ASAP2: variants seen among roughly 807,000 people sequenced by gnomAD.
ASAP2 encodes the protein ArfGAP with SH3 domain, ankyrin repeat and PH domain 2.
A neutral mutation model predicts 131.4 loss-of-function variants in ASAP2; 45 were observed. That is an observed-to-expected ratio of 0.34 (90% CI 0.27 to 0.44). The LOEUF (loss-of-function observed/expected upper bound fraction) is 0.44, where lower values mean the gene tolerates loss of function less well. ASAP2 is among the 20% of genes least tolerant of loss of function. The pLI, the probability that ASAP2 is intolerant of heterozygous loss-of-function variation, is 1.00. For missense variants in ASAP2, 1,011 were observed against 1,297.0 expected, an observed-to-expected ratio of 0.78 and a Z score of 3.39; for synonymous variants, 510 against 503.0, an observed-to-expected ratio of 1.01 and a Z score of -0.19.
intron 2 of ASAP2, among the ~76,000 whole-genome samples, chr2:9,293,996 ATTTT>A (rs557969541): frequency 1.4e-5 from 2 of 139,548 alleles, no homozygotes; most frequent in Non-Finnish European, 3.1e-5. Flanking sequence ...AAGGACAAGA[ATTTT>A]TTTTTTTTTT....
At chr2:9,287,949 T>C (rs973746852) in intron 2 of ASAP2, among the ~76,000 whole-genome samples, 1 of 152,206 alleles carries the variant, frequency 6.6e-6, no homozygotes, top group Non-Finnish European at 1.5e-5. Flanking sequence ...TTCAGAGGTA[T>C]CTGCTATTTA....
At chr2:9,401,957 T>G (rs993132811) in intron 27 of ASAP2, among the ~76,000 whole-genome samples, 1 of 152,170 alleles carries the variant, frequency 6.6e-6, no homozygotes, top group African/African-American at 2.4e-5. Flanking sequence ...CTGGTGCAGG[T>G]GATCTTGTGA....
At chr2:9,221,779 C>A (rs2147983209) in intron 1 of ASAP2, among the ~76,000 whole-genome samples, 1 of 152,104 alleles carries the variant, frequency 6.6e-6, no homozygotes, top group South Asian at 2.1e-4. Context: ...CTTTAATAAG[C>A]TGAGCACCTT....
intron 20 of ASAP2, among the ~76,000 whole-genome samples, chr2:9,383,106 G>C (rs1674992193): frequency 6.6e-6 from 1 of 151,092 alleles, no homozygotes; most frequent in South Asian, 2.1e-4. Flanking sequence ...ATCTCGGGGG[G>C]GCCACGGGAC....
chr2:9,391,049 C>G lies in ASAP2; in HGVS notation c.2384-13C>G. 1.2e-6 allele frequency: 2 copies of G among 1,614,134 alleles called. No individual in the cohort carries two copies. Among genetic ancestry groups the G allele is most frequent in the African/African-American group, 2.7e-5 (2 of 75,038 alleles). On this transcript the variant is annotated splice_polypyrimidine_tract_variant and intron_variant, in intron 22 of 27. Transcript: ENST00000281419. ...GTGCGTGCATGCGTCTGTGTGCATG[C>G]GTGTGGGTTCAGTTCAGACAGCCTC...
At chr2:9,381,009 G>T (rs952984832) in intron 20 of ASAP2, among the ~76,000 whole-genome samples, 1 of 152,216 alleles carries the variant, frequency 6.6e-6, no homozygotes, top group African/African-American at 2.4e-5. Context: ...CCCACCCCTC[G>T]CAGTGAGACT....
intron 2 of ASAP2, among the ~76,000 whole-genome samples, chr2:9,286,445 A>T (rs55905985): frequency 0.079 from 7,832 of 98,576 alleles, 248 homozygotes; most frequent in Non-Finnish European, 0.11. Context: ...AGGAAAAAAA[A>T]AAATATATAT....
intron 22 of ASAP2, 58 bp downstream of exon 22, chr2:9,388,604 G>C: frequency 6.4e-7 from 1 of 1,559,910 alleles, no homozygotes; most frequent in Non-Finnish European, 8.6e-7. Flanking sequence ...TGTGGTTTGG[G>C]AAGTTTGCAG....
At chr2:9,378,296 C>G (rs1002032106) in intron 18 of ASAP2, among the ~76,000 whole-genome samples, 3 of 152,164 alleles carry the variant, frequency 2.0e-5, no homozygotes, top group Non-Finnish European at 4.4e-5. Flanking sequence ...TGTCCCATGT[C>G]TGCCAAGCCT....
intron 1 of ASAP2, among the ~76,000 whole-genome samples, chr2:9,231,467 A>G (rs896415622): frequency 6.6e-6 from 1 of 152,132 alleles, no homozygotes; most frequent in African/African-American, 2.4e-5. Flanking sequence ...GGTACCTGCT[A>G]CCCGTTCGCT....
At chr2:9,326,448 A>G (rs1023164320) in intron 6 of ASAP2, among the ~76,000 whole-genome samples, 2 of 149,074 alleles carry the variant, frequency 1.3e-5, no homozygotes, top group Non-Finnish European at 3.0e-5. Context: ...TAGGTAGTAC[A>G]GACCTTCTGT....
intron 1 of ASAP2, among the ~76,000 whole-genome samples, chr2:9,278,512 CAAA>C (rs543049325): frequency 3.2e-4 from 37 of 113,888 alleles, no homozygotes; most frequent in Admixed American, 3.7e-4. Context: ...GACCCCTTCT[CAAA>C]AAAAAAAAAA....
chr2:9,261,520 G>T (rs1170766530), intron 1 of ASAP2, among the ~76,000 whole-genome samples: 1 of 152,220 alleles, frequency 6.6e-6, no homozygotes, highest in South Asian at 2.1e-4. Context: ...GTTGGAGTTG[G>T]GCCCTAGGTG....
intron 1 of ASAP2, among the ~76,000 whole-genome samples, chr2:9,234,623 A>C (rs1663409893): frequency 6.6e-6 from 1 of 152,172 alleles, no homozygotes; most frequent in African/African-American, 2.4e-5. Context: ...CATTGTGTGG[A>C]TCCAGAAGCT....
At chr2:9,375,014 C>A in intron 17 of ASAP2, 70 bp downstream of exon 17, 2 of 1,430,450 alleles carry the variant, frequency 1.4e-6, no homozygotes, top group Non-Finnish European at 1.9e-6. Context: ...TGCCTGGGAT[C>A]CAGTACTTTA....
At position 9,404,789 on chromosome 2, in the gene ASAP2, GAACA is replaced by G. The variant is rs1677072354; in HGVS notation, c.*1466_*1469del. On this transcript the variant is annotated 3_prime_UTR_variant, in exon 28 of 28. Coordinates refer to ENST00000281419, the MANE Select transcript of ASAP2 (RefSeq NM_003887.3). ...TTTGTTTTTGTTATAAAGGAAGACA[GAACA>G]AACTGGAATGTTTTATGATGTTGTA... is the stretch of plus-strand genomic sequence containing the variant. The G allele has an allele frequency of 6.6e-6, 1 of 152,066 alleles. No individual in the cohort carries two copies. Among genetic ancestry groups the G allele is most frequent in the Non-Finnish European group, 1.5e-5 (1 of 67,940 alleles). 9.4% of individuals were successfully genotyped at this position (152,066 alleles called of 1,614,324 possible).
chr2:9,208,731 G>T lies in ASAP2; in HGVS notation c.126+1501G>T, dbSNP rs75101012. ...CTTCAAATGAGGCAGATGGGGATGG[G>T]TGAATGAAATTTTTTCCTAAGTGCC... is the stretch of plus-strand genomic sequence containing the variant. On this transcript the variant is annotated intron_variant, in intron 1 of 27. Transcript: ENST00000281419. Among the ~76,000 whole-genome samples the T allele has an allele frequency of 9.5e-3, 1,454 of 152,286 alleles. 20 individuals are homozygous for T. The highest frequency in any genetic ancestry group is 0.033 in the African/African-American group (1,370 of 41,550).
intron 1 of ASAP2, among the ~76,000 whole-genome samples, chr2:9,225,762 G>T (rs1358243747): frequency 6.6e-6 from 1 of 152,188 alleles, no homozygotes; most frequent in East Asian, 1.9e-4. Context: ...GCCGTGGGAA[G>T]TGGTTGTAGG....
At chr2:9,299,301 G>T (rs980880683) in intron 3 of ASAP2, among the ~76,000 whole-genome samples, 1 of 152,072 alleles carries the variant, frequency 6.6e-6, no homozygotes, top group African/African-American at 2.4e-5. Flanking sequence ...GAATCAGAAT[G>T]GTGGTGAACT....
Sources: allele counts gnomAD v4.1 joint callset (sites outside exome capture counted in the v4.1 genomes callset), GRCh38; gene constraint gnomAD v4.1.1; transcripts MANE v1.5; gene names NCBI Gene and HGNC (gene_info 2026-07-23, HGNC 2026-07-21).